The following EPN1 variants were observed in gnomAD, a reference collection of about 807,000 sequenced individuals.
EPN1 encodes the protein epsin-1.
Under a neutral mutation model 56.9 loss-of-function variants are expected in EPN1, and 25 were observed. The observed-to-expected ratio is 0.44, with a 90% CI of 0.32 to 0.61. The LOEUF is 0.61. Ranked by LOEUF, EPN1 falls within the 20% of genes least tolerant of loss-of-function variation. The pLI, the probability that EPN1 is intolerant of heterozygous loss-of-function variation, is 0.05. For missense variants in EPN1, 785 were observed against 823.7 expected, an observed-to-expected ratio of 0.95 and a Z score of 0.58; for synonymous variants, 411 against 361.8, an observed-to-expected ratio of 1.14 and a Z score of -1.54.
At chr19:55,692,143 G>C in intron 7 of EPN1, 86 bp downstream of exon 7, 3 of 1,305,236 alleles carry the variant, frequency 2.3e-6, no homozygotes, top group Non-Finnish European at 2.0e-6. Context: ...GGGACAGATC[G>C]AGCCAGTGGC....
chr19:55,686,076 C>T (rs902325205), intron 3 of EPN1, among the ~76,000 whole-genome samples: 5 of 152,226 alleles, frequency 3.3e-5, no homozygotes, highest in African/African-American at 1.2e-4. Context: ...AGGCCAGAGC[C>T]AGGGCCTGCA....
intron 2 of EPN1, chr19:55,680,817 T>C (rs543094247): frequency 4.6e-5 from 7 of 152,702 alleles, no homozygotes; most frequent in Admixed American, 4.6e-4. Flanking sequence ...CCTGAGCCAC[T>C]GTGAAGCTGC....
intron 7 of EPN1, 187 bp from the exon 8 acceptor site, chr19:55,692,498 CA>C (rs761109594): frequency 8.0e-5 from 38 of 475,614 alleles, no homozygotes; most frequent in East Asian, 4.7e-4. Flanking sequence ...GCTGGGGTCC[CA>C]GGGGCAGAGC....
chr19:55,695,222 C>G lies in EPN1; in HGVS notation c.1597C>G (p.Leu533Val). ...APPATLTLNQ[L>V]RLSPVPPVPG... ...TCCCGCGACGCTCACCCTGAACCAG[C>G]TCCGTCTCAGTCCTGTGCCTCCCGT... Residue 533 changes from leucine (L) to valine (V), a missense_variant, in exon 11 of 11, where the codon CTC becomes GTC. This residue lies in a region of EPN1 where 650 missense variants were observed against 605.0 expected (regional missense o/e 1.07). Transcript: ENST00000270460. This position sits in a 1 kb window ranked among gnomAD's most constrained non-coding sequence, Gnocchi z 4.4. 1 of 1,613,382 alleles carries G rather than the reference C, an allele frequency of 6.2e-7. No homozygotes were observed. The highest frequency in any genetic ancestry group is 8.5e-7 in the Non-Finnish European group (1 of 1,179,836).
chr19:55,692,872 G>T (rs1986660658), intron 8 of EPN1, 76 bp downstream of exon 8: 3 of 1,592,430 alleles, frequency 1.9e-6, no homozygotes, highest in Non-Finnish European at 2.6e-6. Flanking sequence ...TCCTAAGGGA[G>T]GGGTGGACGC....
rs13382147 is a variant in EPN1, at chr19:55,691,671, C to A, written c.763-83C>A. ...CTGGACACCCAGGGCCTGGCCGCCT[C>A]CCCCGCCACGGGCCCCAGCTTGGTC... On this transcript the variant is annotated intron_variant, in intron 6 of 10. Transcript: ENST00000270460. This position sits in a 1 kb window ranked among gnomAD's most constrained non-coding sequence, Gnocchi z 5.6. 2.0e-5 allele frequency: 26 copies of A among 1,320,088 alleles called. No homozygotes were observed. In the South Asian group the frequency reaches 2.8e-4, roughly 14 times the overall value. The allele number at this position is 1,320,088 out of a possible 1,614,324, so 81.8% of individuals were successfully genotyped here.
In EPN1 at chr19:55,695,265, C is replaced by T. The variant is rs762976846; in HGVS notation, c.1640C>T (p.Thr547Met). The part of the protein sequence containing the change: ...PVPPVPGAPP[T>M]YISPLGGGPG... ...CCTCCCGTCCCTGGAGCGCCACCCA[C>T]GTACATCTCTCCCCTTGGCGGGGGC... The change falls in exon 11 of 11, where the codon ACG becomes ATG. Residue 547 changes from threonine (T) to methionine (M), a missense_variant. Physicochemically the swap from Thr to Met is moderately conservative, Grantham distance 81 (BLOSUM62 -1). Coordinates refer to ENST00000270460, the MANE Select transcript of EPN1 (RefSeq NM_001130072.2). The surrounding 1 kb of genome is among the most constrained non-coding windows in gnomAD (Gnocchi z 4.4). 30 of 1,608,754 alleles carry T rather than the reference C, an allele frequency of 1.9e-5. No homozygotes were observed. In the South Asian group the frequency reaches 2.8e-4, roughly 15 times the overall value.
intron 9 of EPN1, chr19:55,693,313 G>A (rs1183027638): frequency 1.4e-5 from 6 of 424,774 alleles, no homozygotes; most frequent in Admixed American, 3.8e-5. Flanking sequence ...CTGCCTCCAC[G>A]TTGCTTGAGT....
intron 6 of EPN1, among the ~76,000 whole-genome samples, chr19:55,690,295 C>T (rs1174554995): frequency 6.6e-6 from 1 of 152,254 alleles, no homozygotes; most frequent in Non-Finnish European, 1.5e-5. Flanking sequence ...GCAGGGCTCG[C>T]CCCATCTGTC....
chr19:55,687,541 A>G (rs925474816), intron 3 of EPN1, among the ~76,000 whole-genome samples: 65 of 151,978 alleles, frequency 4.3e-4, no homozygotes, highest in Admixed American at 2.9e-3. Flanking sequence ...AATGGGGTGT[A>G]GATTCCCAGC....
chr19:55,683,347 G>A (rs900964860), intron 2 of EPN1, among the ~76,000 whole-genome samples: 1 of 151,856 alleles, frequency 6.6e-6, no homozygotes, highest in Non-Finnish European at 1.5e-5. Flanking sequence ...GAGCCACCAT[G>A]CCCGGCCTTA....
rs369765523 is a variant in EPN1, at chr19:55,690,380, T to C, written c.762+430T>C. Among the ~76,000 whole-genome samples the C allele has an allele frequency of 3.3e-3, 508 of 152,362 alleles. 1 individual carries two copies. The highest frequency in any genetic ancestry group is 0.012 in the African/African-American group (487 of 41,592). ...GGGCCTGTTGGTGAGCGAGGAGGCA[T>C]GGTCCCGCCCTCGCGAACACTGTTT... is the stretch of plus-strand genomic sequence containing the variant. On this transcript the variant is annotated intron_variant, in intron 6 of 10. Coordinates refer to ENST00000270460, the MANE Select transcript of EPN1 (RefSeq NM_001130072.2).
rs1326400366 is a variant in EPN1, at chr19:55,685,491, C to T, written c.324C>T (p.Asp108=). Residue 108 remains aspartate, a synonymous_variant, in exon 3 of 11, where the codon GAC becomes GAT. Transcript: ENST00000270460. ...TGTACGCCGTGCAGACGCTGAAGGA[C>T]TTCCAGTACGTGGACCGCGACGGCA... ...ENMYAVQTLK[D]FQYVDRDGKD... 1 of 1,612,672 alleles carries T rather than the reference C, an allele frequency of 6.2e-7. No homozygotes were observed. The highest frequency in any genetic ancestry group is 8.5e-7 in the Non-Finnish European group (1 of 1,179,470).
At chr19:55,676,099 A>G (rs1476673361) in intron 1 of EPN1, among the ~76,000 whole-genome samples, 1 of 152,154 alleles carries the variant, frequency 6.6e-6, no homozygotes, top group African/African-American at 2.4e-5. Flanking sequence ...GTCGTAGGAA[A>G]TCCATAGTTC....
intron 6 of EPN1, among the ~76,000 whole-genome samples, 189 bp downstream of exon 6, chr19:55,690,139 C>A (rs1432345367): frequency 6.6e-6 from 1 of 152,236 alleles, no homozygotes; most frequent in Non-Finnish European, 1.5e-5. Context: ...CGGTGACTGA[C>A]CAGGCTGCCC....
rs1318728119 is a variant in EPN1 at position 55,689,406 on chromosome 19, G to A, written c.678+35G>A. 3.9e-6 allele frequency: 6 copies of A among 1,521,888 alleles called. No individual in the cohort carries two copies. In the East Asian group the frequency reaches 7.4e-5, roughly 19 times the overall value. The allele number at this position is 1,521,888 out of a possible 1,614,324, so 94.3% of individuals were successfully genotyped here. On this transcript the variant is annotated intron_variant, in intron 5 of 10. Coordinates refer to ENST00000270460, the MANE Select transcript of EPN1 (RefSeq NM_001130072.2). The surrounding 1 kb of genome is among the most constrained non-coding windows in gnomAD (Gnocchi z 5.7). ...GCCTCCCTGTCCCTGCCCCTGCCAG[G>A]GGCTCCCCTCAGACCAGCCCCGTCG...
At chr19:55,685,667 CT>C in intron 3 of EPN1, 22 bp downstream of exon 3, 1 of 1,577,124 alleles carries the variant, frequency 6.3e-7, no homozygotes. Flanking sequence ...CCTGCGGCCC[CT>C]GACGGCCTAG....
rs57606788 is a variant in EPN1 at position 55,705,808 on chromosome 19, G to GATATATATATATATATATATGT, written c.*10472_*10473insGTATATATATATATATATATAT. ...GTGGCTGGAATATTTGTTGTTGTGG[G>GATATATATATATATATATATGT]ATATATATATATATATATATTTAGA... On this transcript the variant is annotated 3_prime_UTR_variant, in exon 11 of 11. Coordinates refer to ENST00000270460, the MANE Select transcript of EPN1 (RefSeq NM_001130072.2). 4.8e-5 allele frequency: 5 copies of GATATATATATATATATATATGT among 103,138 alleles called. No homozygotes were observed. The highest frequency in any genetic ancestry group is 2.3e-4 in the African/African-American group (5 of 21,920). The allele number at this position is 103,138 out of a possible 1,614,324, so 6.4% of individuals were successfully genotyped here. A position where few individuals can be genotyped will look rare whatever the true frequency, so the allele number is the denominator to read the frequency against.
At chr19:55,676,988 C>A in intron 1 of EPN1, 1 of 756,806 alleles carries the variant, frequency 1.3e-6, no homozygotes, top group Non-Finnish European at 2.1e-6. Flanking sequence ...ATGTATTAGG[C>A]TGGGGCTGTT....
Sources: allele counts gnomAD v4.1 joint callset (sites outside exome capture counted in the v4.1 genomes callset), GRCh38; gene constraint gnomAD v4.1.1; regional missense constraint gnomAD v4.1.1; non-coding constraint Gnocchi (gnomAD v3.1); transcripts MANE v1.5; gene names NCBI Gene and HGNC (gene_info 2026-07-23, HGNC 2026-07-21).